Variants in HLA-DPB1 observed in about 807,000 individuals in gnomAD.
The protein encoded by HLA-DPB1 is major histocompatibility complex, class II, DP beta 1.
HLA-DPB1 carries 30 observed loss-of-function variants against 29.4 expected under a neutral mutation model. The ratio of observed to expected loss-of-function variants is 1.02; its 90% CI spans 0.76 to 1.38. The LOEUF (loss-of-function observed/expected upper bound fraction) is 1.38, where lower values mean the gene tolerates loss of function less well. Ranked by LOEUF, HLA-DPB1 falls within the 40% of genes most tolerant of loss-of-function variation. The pLI is 0.00. For synonymous variants in HLA-DPB1, 114 were observed against 134.0 expected, an observed-to-expected ratio of 0.85 and a Z score of 1.03; for missense variants, 261 against 327.5, an observed-to-expected ratio of 0.80 and a Z score of 1.57.
At chr6:33,079,396 T>C (rs17214657) in intron 1 of HLA-DPB1, 20,082 of 187,536 alleles carry the variant, frequency 0.11, 2,223 homozygotes, top group African/African-American at 0.3. Flanking sequence ...ATTACATCAA[T>C]GCTGTCTTCC....
At position 33,080,167 on chromosome 6, in the gene HLA-DPB1, C is replaced by G. The variant is rs1762758882; in HGVS notation, c.101-505C>G. ...GTTGAGGAATTCTCAAGAAACTGGT[C>G]GAGAAGAGAGAGCGCTTAGCTATGG... On this transcript the variant is annotated intron_variant, in intron 1 of 5. Coordinates refer to ENST00000418931, the MANE Select transcript of HLA-DPB1 (RefSeq NM_002121.6). This position sits in a 1 kb window ranked among gnomAD's most constrained non-coding sequence, Gnocchi z 4.3. Among the ~76,000 whole-genome samples, 2 of 151,978 alleles carry G rather than the reference C, an allele frequency of 1.3e-5. No homozygotes were observed. The highest frequency in any genetic ancestry group is 2.4e-5 in the African/African-American group (1 of 41,330).
intron 1 of HLA-DPB1, chr6:33,079,521 A>G (rs1485277854): frequency 5.4e-6 from 2 of 370,452 alleles, no homozygotes; most frequent in Non-Finnish European, 1.0e-5. Flanking sequence ...ATGAGGCACC[A>G]ATCAGACTGA....
chr6:33,085,923 T>G (rs1487516003), intron 4 of HLA-DPB1, 34 bp downstream of exon 4: 1 of 1,380,290 alleles, frequency 7.2e-7, no homozygotes, highest in Admixed American at 1.8e-5. Context: ...GGGACTTACC[T>G]TCCCCTGGCA....
Position 33,088,282 on chromosome 6 carries a change from A to G in HLA-DPB1, c.*1748A>G, listed in dbSNP as rs1242150667. On this transcript the variant is annotated 3_prime_UTR_variant, in exon 6 of 6. Coordinates refer to ENST00000418931, the MANE Select transcript of HLA-DPB1 (RefSeq NM_002121.6). The stretch of plus-strand genomic sequence containing the variant: ...GAGCAGTTAACATTACAAATTACAA[A>G]CCATATCCAGTCAGAGTCATTCTCT... Among the ~76,000 whole-genome samples, 3 of 152,114 alleles carry G rather than the reference A, an allele frequency of 2.0e-5. No homozygotes were observed. The highest frequency in any genetic ancestry group is 7.2e-5 in the African/African-American group (3 of 41,416).
In HLA-DPB1 at chr6:33,080,967, G is replaced by C. The variant is rs1277637425; in HGVS notation, c.364+32G>C. On this transcript the variant is annotated intron_variant, in intron 2 of 5. Coordinates refer to ENST00000418931, the MANE Select transcript of HLA-DPB1 (RefSeq NM_002121.6). This position sits in a 1 kb window ranked among gnomAD's most constrained non-coding sequence, Gnocchi z 4.3. ...GAGGGCTTTGGGCCGGCGGTCCCAG[G>C]GCAGCCCCGCGGGCCCGTGCCCAGG... The C allele has an allele frequency of 4.5e-6, 7 of 1,545,698 alleles. No homozygotes were observed. Among genetic ancestry groups the C allele is most frequent in the African/African-American group, 1.4e-5 (1 of 73,790 alleles).
chr6:33,081,006 C>A (rs1762838394), intron 2 of HLA-DPB1, 71 bp downstream of exon 2: 2 of 1,463,348 alleles, frequency 1.4e-6, no homozygotes, highest in Admixed American at 2.5e-5. Flanking sequence ...CAGGAGCAGC[C>A]GGGTTGGCCT....
rs2150379890 is a variant in HLA-DPB1, at chr6:33,087,365, A to T, written c.*831A>T. ...GACAGAAATGACTCCCCACTGGGGA[A>T]AGAGCAAAGCAATACATGTAGCACT... On this transcript the variant is annotated 3_prime_UTR_variant, in exon 6 of 6. Transcript: ENST00000418931. Among the ~76,000 whole-genome samples, 1 of 152,130 alleles carries T rather than the reference A, an allele frequency of 6.6e-6. No homozygotes were observed. Among genetic ancestry groups the T allele is most frequent in the South Asian group, 2.1e-4 (1 of 4,820 alleles).
In HLA-DPB1 at chr6:33,085,193, A is replaced by G; in HGVS notation, c.608A>G (p.Glu203Gly). The change falls in exon 3 of 6, where the codon GAG becomes GGG. Residue 203 changes from glutamate to glycine, a missense_variant. Physicochemically the swap from Glu to Gly is moderately conservative, Grantham distance 98 (BLOSUM62 -2). Coordinates refer to ENST00000418931, the MANE Select transcript of HLA-DPB1 (RefSeq NM_002121.6). ...QQGDVYTCQV[E>G]HTSLDSPVTV... Reference sequence around the variant, plus strand: ...GGAGATGTCTACACCTGCCAAGTGGAGCACACCAGCCTGGATAGTCCTGTC... The same window carrying G: ...GGAGATGTCTACACCTGCCAAGTGGGGCACACCAGCCTGGATAGTCCTGTC... 6.2e-7 allele frequency: 1 copy of G among 1,612,506 alleles called. No homozygotes were observed. Among genetic ancestry groups the G allele is most frequent in the Non-Finnish European group, 8.5e-7 (1 of 1,178,966 alleles).
intron 1 of HLA-DPB1, among the ~76,000 whole-genome samples, chr6:33,079,002 G>A (rs1179631399): frequency 6.6e-6 from 1 of 152,192 alleles, no homozygotes; most frequent in Non-Finnish European, 1.5e-5. Flanking sequence ...GAAGAGGCAG[G>A]TCAGGATATC....
chr6:33,086,702 ACT>A lies in HLA-DPB1; in HGVS notation c.*169_*170del. On this transcript the variant is annotated 3_prime_UTR_variant, in exon 6 of 6. Coordinates refer to ENST00000418931, the MANE Select transcript of HLA-DPB1 (RefSeq NM_002121.6). ...ATCATTCTGCTCTTTGATTCAAAGC[ACT>A]GTTTCTCTCACTGGGCCTCCAACCA... The A allele has an allele frequency of 2.3e-6, 1 of 439,022 alleles. No homozygotes were observed. Among genetic ancestry groups the A allele is most frequent in the South Asian group, 1.8e-5 (1 of 56,396 alleles). The allele number at this position is 439,022 out of a possible 1,614,324, so 27.2% of individuals were successfully genotyped here. A position where few individuals can be genotyped will look rare whatever the true frequency, so the allele number is the denominator to read the frequency against.
intron 3 of HLA-DPB1, among the ~76,000 whole-genome samples, 157 bp from the exon 4 acceptor site, chr6:33,085,622 T>A (rs9277466): frequency 6.6e-6 from 1 of 151,894 alleles, no homozygotes; most frequent in African/African-American, 2.4e-5. Context: ...CTGTTCCAGA[T>A]ATGAGGGTGG....
rs1357262779 is a variant in HLA-DPB1, at chr6:33,080,960, G to C, written c.364+25G>C. 4.5e-6 allele frequency: 7 copies of C among 1,554,302 alleles called. No individual in the cohort carries two copies. Among genetic ancestry groups the C allele is most frequent in the Admixed American group, 1.8e-5 (1 of 54,994 alleles). ...GGTGAGTGAGGGCTTTGGGCCGGCG[G>C]TCCCAGGGCAGCCCCGCGGGCCCGT... On this transcript the variant is annotated intron_variant, in intron 2 of 5. Coordinates refer to ENST00000418931, the MANE Select transcript of HLA-DPB1 (RefSeq NM_002121.6). This position sits in a 1 kb window ranked among gnomAD's most constrained non-coding sequence, Gnocchi z 4.3.
Position 33,080,636 on chromosome 6 carries a change from G to A in HLA-DPB1, c.101-36G>A. The A allele has an allele frequency of 6.2e-7, 1 of 1,611,576 alleles. No homozygotes were observed. The highest frequency in any genetic ancestry group is 8.5e-7 in the Non-Finnish European group (1 of 1,178,744). ...GAGGGAGAAAGAGGATTAGATGAGAGTGGCGCCTCCGCTCATGTCCGCCCC... is the reference window on the plus strand; with the variant it reads ...GAGGGAGAAAGAGGATTAGATGAGAATGGCGCCTCCGCTCATGTCCGCCCC... On this transcript the variant is annotated intron_variant, in intron 1 of 5. Coordinates refer to ENST00000418931, the MANE Select transcript of HLA-DPB1 (RefSeq NM_002121.6). This position sits in a 1 kb window ranked among gnomAD's most constrained non-coding sequence, Gnocchi z 4.3.
intron 2 of HLA-DPB1, chr6:33,082,163 T>C (rs1183912352): frequency 6.6e-6 from 1 of 152,172 alleles, no homozygotes; most frequent in Non-Finnish European, 1.5e-5. Context: ...CTTAGGAAAG[T>C]TGCTGAGGTA....
Position 33,089,081 on chromosome 6 carries a change from A to C in HLA-DPB1, c.*2547A>C, listed in dbSNP as rs1763241302. 6.6e-6 allele frequency among the ~76,000 whole-genome samples: 1 copy of C among 152,066 alleles called. No individual in the cohort carries two copies. Among genetic ancestry groups the C allele is most frequent in the Non-Finnish European group, 1.5e-5 (1 of 68,022 alleles). ...TGTCAAGTAGCAGTGAGGCCGAGCC[A>C]GGGGATGGTGAAAGTGGAAGGAGGT... On this transcript the variant is annotated 3_prime_UTR_variant, in exon 6 of 6. Coordinates refer to ENST00000418931, the MANE Select transcript of HLA-DPB1 (RefSeq NM_002121.6).
intron 3 of HLA-DPB1, 59 bp downstream of exon 3, chr6:33,085,290 TG>T: frequency 7.1e-7 from 1 of 1,411,990 alleles, no homozygotes; most frequent in Non-Finnish European, 9.7e-7. Flanking sequence ...TCTCTGGCTC[TG>T]GGGTCCACTC....
chr6:33,082,462 C>T (rs1466676533), intron 2 of HLA-DPB1, among the ~76,000 whole-genome samples: 2 of 152,080 alleles, frequency 1.3e-5, no homozygotes, highest in Admixed American at 6.6e-5. Flanking sequence ...GTCTGGGGAT[C>T]TCTGCTTGTA....
intron 1 of HLA-DPB1, among the ~76,000 whole-genome samples, chr6:33,077,153 A>T (rs1762583696): frequency 7.1e-6 from 1 of 141,236 alleles, no homozygotes; most frequent in Non-Finnish European, 1.5e-5. Flanking sequence ...CCCACCTATG[A>T]GTGAGAACAT....
At chr6:33,077,018 C>T (rs113711225) in intron 1 of HLA-DPB1, among the ~76,000 whole-genome samples, 3,298 of 151,744 alleles carry the variant, frequency 0.022, 53 homozygotes, top group Non-Finnish European at 0.037. Flanking sequence ...GTGCTGCACC[C>T]ATTAACTCGT....
Sources: allele counts gnomAD v4.1 joint callset (sites outside exome capture counted in the v4.1 genomes callset), GRCh38; gene constraint gnomAD v4.1.1; non-coding constraint Gnocchi (gnomAD v3.1); transcripts MANE v1.5; gene names NCBI Gene and HGNC (gene_info 2026-07-23, HGNC 2026-07-21).